Variants in CARMIL1 observed in about 807,000 individuals in gnomAD.
The protein encoded by CARMIL1 is capping protein regulator and myosin 1 linker 1.
CARMIL1 carries 90 observed loss-of-function variants against 177.1 expected under a neutral mutation model. That is an observed-to-expected ratio of 0.51 (90% CI 0.43 to 0.61). The LOEUF is 0.61. CARMIL1 is among the 20% of genes least tolerant of loss of function. The pLI, the probability that CARMIL1 is intolerant of heterozygous loss-of-function variation, is 0.00. For missense variants in CARMIL1, 1,380 were observed against 1,667.0 expected (o/e 0.83, Z 3.00); for synonymous variants, 577 against 606.2 (o/e 0.95, Z 0.71).
rs765493525 is a variant in CARMIL1 at position 25,581,235 on chromosome 6, A to G, written c.2810-8A>G. On this transcript the variant is annotated splice_polypyrimidine_tract_variant and splice_region_variant and intron_variant, in intron 30 of 36. Coordinates refer to ENST00000329474, the MANE Select transcript of CARMIL1 (RefSeq NM_017640.6). ...GCTGTTTTTTTGTTTTTTTGTTTTT[A>G]ATTTTAGAAATGGAGTTTGATCTAG... 6 of 1,604,372 alleles carry G rather than the reference A, an allele frequency of 3.7e-6. No homozygotes were observed. Among genetic ancestry groups the G allele is most frequent in the African/African-American group, 2.7e-5 (2 of 73,782 alleles).
chr6:25,387,863 A>G (rs1280385026), intron 2 of CARMIL1, among the ~76,000 whole-genome samples: 2 of 152,176 alleles, frequency 1.3e-5, no homozygotes, highest in African/African-American at 2.4e-5. Context: ...AGATGCAACT[A>G]TGGGCCCCTT....
intron 2 of CARMIL1, among the ~76,000 whole-genome samples, chr6:25,419,609 G>A (rs1795654419): frequency 6.6e-6 from 1 of 152,194 alleles, no homozygotes; most frequent in Admixed American, 6.5e-5. Context: ...AGTTAGGGAT[G>A]ATTTTTTGGA....
At chr6:25,431,122 G>A (rs59284567) in intron 4 of CARMIL1, among the ~76,000 whole-genome samples, 18,632 of 152,104 alleles carry the variant, frequency 0.12, 1,402 homozygotes, top group South Asian at 0.18. Context: ...CCACTAACTC[G>A]TCATTTAACA....
At position 25,364,441 on chromosome 6, in the gene CARMIL1, A is replaced by G. The variant is rs1160634932; in HGVS notation, c.139-55673A>G. Among the ~76,000 whole-genome samples the G allele has an allele frequency of 9.8e-5, 15 of 152,304 alleles. No individual in the cohort carries two copies. The East Asian group carries it at 2.1e-3, about 22-fold the overall frequency. On this transcript the variant is annotated intron_variant, in intron 2 of 36. Coordinates refer to ENST00000329474, the MANE Select transcript of CARMIL1 (RefSeq NM_017640.6). ...TCCTTCTTTATAATTTTGTCATTTT[A>G]AGTAGTCTCTATAAATGGAACTATA...
chr6:25,598,222 C>A (rs1815039778), intron 32 of CARMIL1, among the ~76,000 whole-genome samples: 1 of 151,750 alleles, frequency 6.6e-6, no homozygotes, highest in East Asian at 1.9e-4. Context: ...TTTCTCTGTA[C>A]TTTTTTTCTT....
intron 2 of CARMIL1, among the ~76,000 whole-genome samples, chr6:25,397,861 C>G (rs1289729451): frequency 6.6e-6 from 1 of 152,052 alleles, no homozygotes; most frequent in African/African-American, 2.4e-5. Flanking sequence ...GGCAAATAAG[C>G]TTTTTAACAT....
At chr6:25,595,044 TAGC>T (rs768981062) in intron 32 of CARMIL1, among the ~76,000 whole-genome samples, 3 of 152,194 alleles carry the variant, frequency 2.0e-5, no homozygotes, top group Admixed American at 6.5e-5. Flanking sequence ...ACAGCAAAAT[TAGC>T]AGAGAGCCCT....
chr6:25,522,943 G>A (rs990896332), intron 23 of CARMIL1, among the ~76,000 whole-genome samples: 8 of 152,236 alleles, frequency 5.3e-5, no homozygotes, highest in South Asian at 2.1e-4. Flanking sequence ...GACTACAAGC[G>A]TATGCCACTG....
chr6:25,492,024 G>A lies in CARMIL1; in HGVS notation c.1220G>A (p.Arg407Gln), dbSNP rs758683570. ...CTCTCCAGAACTGTCTTCTCTCACC[G>A]GTATAGATTTATTTCTGCTCTCATT... Reference protein sequence around the residue: ...LNLSRTVFSHRKGKEVPPSFK... With the variant: ...LNLSRTVFSHQKGKEVPPSFK... The change falls in exon 15 of 37, where the codon CGG (arginine) becomes CAG (glutamine). Residue 407 changes from arginine to glutamine, a missense_variant and splice_region_variant. Transcript: ENST00000329474. 3 of 1,611,754 alleles carry A rather than the reference G, an allele frequency of 1.9e-6. No homozygotes were observed. Among genetic ancestry groups the A allele is most frequent in the Non-Finnish European group, 2.5e-6 (3 of 1,178,514 alleles).
In CARMIL1 at chr6:25,536,227, C is replaced by T. The variant is rs937312422; in HGVS notation, c.2068-1628C>T. Reference sequence around the variant, plus strand: ...GAATTATTAATGACCCTTTTTGCTTCAGGAGGCACAGATCAATACAATAGT... The same window carrying T: ...GAATTATTAATGACCCTTTTTGCTTTAGGAGGCACAGATCAATACAATAGT... On this transcript the variant is annotated intron_variant, in intron 24 of 36. Coordinates refer to ENST00000329474, the MANE Select transcript of CARMIL1 (RefSeq NM_017640.6). Among the ~76,000 whole-genome samples, 4 of 152,062 alleles carry T rather than the reference C, an allele frequency of 2.6e-5. 1 individual carries two copies. The highest frequency in any genetic ancestry group is 4.8e-5 in the African/African-American group (2 of 41,514).
rs1385108756 is a variant in CARMIL1, at chr6:25,600,438, C to T, written c.3244C>T (p.Arg1082Ter). The T allele has an allele frequency of 5.0e-6, 8 of 1,613,962 alleles. No homozygotes were observed. The highest frequency in any genetic ancestry group is 1.7e-5 in the Admixed American group (1 of 60,028). Residue 1082 changes from arginine (R) to a stop codon, truncating the protein, a stop_gained, in exon 33 of 37, where the codon CGA becomes TGA. Coordinates refer to ENST00000329474, the MANE Select transcript of CARMIL1 (RefSeq NM_017640.6). LOFTEE classifies it high-confidence loss of function. ...AATCAAATCCCGGTCCAAATCCGAGCGACCACCAACGATCTTGATGACAGA... is the reference window on the plus strand; with the variant it reads ...AATCAAATCCCGGTCCAAATCCGAGTGACCACCAACGATCTTGATGACAGA... ...NLIKSRSKSE[R>*]PPTILMTEEP...
At chr6:25,299,914 G>T (rs1390423994) in intron 2 of CARMIL1, among the ~76,000 whole-genome samples, 1 of 151,136 alleles carries the variant, frequency 6.6e-6, no homozygotes, top group South Asian at 2.1e-4. Context: ...GGAGGTAGAG[G>T]TTGCAGTGAG....
At chr6:25,596,222 A>G (rs1814837314) in intron 32 of CARMIL1, among the ~76,000 whole-genome samples, 1 of 152,036 alleles carries the variant, frequency 6.6e-6, no homozygotes, top group Non-Finnish European at 1.5e-5. Flanking sequence ...GATTCCGTTC[A>G]TGTTTCAGTG....
intron 4 of CARMIL1, among the ~76,000 whole-genome samples, chr6:25,435,004 T>C (rs1486091406): frequency 6.6e-6 from 1 of 152,198 alleles, no homozygotes; most frequent in Non-Finnish European, 1.5e-5. Context: ...CAGAAAGATA[T>C]AGCCATACTT....
intron 36 of CARMIL1, among the ~76,000 whole-genome samples, chr6:25,619,171 G>A (rs994714992): frequency 6.6e-6 from 1 of 152,084 alleles, no homozygotes; most frequent in Admixed American, 6.5e-5. Context: ...TTTCCTCGGG[G>A]GTCCTAACCT....
At chr6:25,481,988 A>AACT (rs1410207204) in intron 11 of CARMIL1, among the ~76,000 whole-genome samples, 1 of 152,250 alleles carries the variant, frequency 6.6e-6, no homozygotes, top group African/African-American at 2.4e-5. Context: ...TGAGAAAAAG[A>AACT]GTGACACGTG....
At chr6:25,570,445 AT>A (rs1331354205) in intron 29 of CARMIL1, among the ~76,000 whole-genome samples, 1 of 152,198 alleles carries the variant, frequency 6.6e-6, no homozygotes, top group Non-Finnish European at 1.5e-5. Flanking sequence ...ATTAAATTTT[AT>A]TTGCTTTTTA....
chr6:25,388,373 T>C (rs1792393801), intron 2 of CARMIL1: 1 of 152,124 alleles, frequency 6.6e-6, no homozygotes, highest in Admixed American at 6.6e-5. Context: ...CTTTTTTTGT[T>C]TTGTTTTGTT....
At chr6:25,419,348 A>C (rs1033700190) in intron 2 of CARMIL1, among the ~76,000 whole-genome samples, 5 of 152,178 alleles carry the variant, frequency 3.3e-5, no homozygotes, top group Admixed American at 6.5e-5. Context: ...TATTGAAAAG[A>C]CTCATGAGGC....
Sources: gnomAD v4.1 joint callset for allele counts (sites outside exome capture counted in the v4.1 genomes callset) on GRCh38, gnomAD v4.1.1 for gene constraint, MANE v1.5 for transcripts, NCBI Gene and HGNC (gene_info 2026-07-23, HGNC 2026-07-21) for gene names.